SVEP1: variants seen among roughly 807,000 people sequenced by gnomAD.
The protein encoded by SVEP1 is sushi, von Willebrand factor type A, EGF and pentraxin domain containing 1.
SVEP1 carries 164 observed loss-of-function variants against 367.3 expected under a neutral mutation model. The ratio of observed to expected loss-of-function variants is 0.45; its 90% confidence interval spans 0.39 to 0.51. SVEP1 has a LOEUF of 0.51. SVEP1 is among the 20% of genes least tolerant of loss of function. The pLI, the probability that SVEP1 is intolerant of heterozygous loss-of-function variation, is 0.00. For synonymous variants in SVEP1, 1,666 were observed against 1,611.6 expected (o/e 1.03, Z -0.81); for missense variants, 4,117 against 4,425.3 (o/e 0.93, Z 1.98).
chr9:110,458,507 A>G lies in SVEP1; in HGVS notation c.3540T>C (p.Leu1180=). Reference sequence around the variant, plus strand: ...TTTCATGCCTCTTTTTAATATGTCCAAGAGAGGCAGGGGGCACCACACTTT... The same window carrying G: ...TTTCATGCCTCTTTTTAATATGTCCGAGAGAGGCAGGGGGCACCACACTTT... ...AEESVVPPAS[L]GHIKKRHEIS... The change falls in exon 20 of 48, where the codon CTT becomes CTC. Residue 1180 remains leucine (L), a synonymous_variant. Transcript: ENST00000374469. The G allele has an allele frequency of 6.2e-7, 1 of 1,613,136 alleles. No individual in the cohort carries two copies. Among genetic ancestry groups the G allele is most frequent in the Non-Finnish European group, 8.5e-7 (1 of 1,179,620 alleles).
In SVEP1 at chr9:110,489,072, CTT is replaced by C. The variant is rs371684965; in HGVS notation, c.1930+576_1930+577del. Among the ~76,000 whole-genome samples the C allele has an allele frequency of 5.9e-5, 9 of 152,186 alleles. No homozygotes were observed. In the East Asian group the frequency reaches 1.7e-3, roughly 29 times the overall value. On this transcript the variant is annotated intron_variant, in intron 9 of 47. Transcript: ENST00000374469. Reference sequence around the variant, plus strand: ...AGAAAGACATGGCAAGCATTGGGAACTTTCATGTGGGCTCATATGGGAAGAAA... The same window carrying C: ...AGAAAGACATGGCAAGCATTGGGAACTCATGTGGGCTCATATGGGAAGAAA...
At chr9:110,445,379 T>A (rs1447823281) in intron 26 of SVEP1, among the ~76,000 whole-genome samples, 1 of 152,196 alleles carries the variant, frequency 6.6e-6, no homozygotes, top group Non-Finnish European at 1.5e-5. Context: ...TTGTATGCAA[T>A]ACACTTGTCT....
intron 40 of SVEP1, among the ~76,000 whole-genome samples, chr9:110,399,161 A>T (rs1247613360): frequency 6.6e-6 from 1 of 152,226 alleles, no homozygotes; most frequent in African/African-American, 2.4e-5. Flanking sequence ...AATACTATGC[A>T]GCCATGAAAA....
At chr9:110,496,971 A>G in intron 7 of SVEP1, 38 bp from the exon 8 acceptor site, 1 of 1,320,512 alleles carries the variant, frequency 7.6e-7, no homozygotes, top group Non-Finnish European at 1.1e-6. Context: ...TAATACACTG[A>G]TATGTGGTCC....
At position 110,371,559 on chromosome 9, in the gene SVEP1, T is replaced by TCACTC. The variant is rs531521432; in HGVS notation, c.10601-1548_10601-1544dup. Among the ~76,000 whole-genome samples, 848 of 152,292 alleles carry TCACTC rather than the reference T, an allele frequency of 5.6e-3. 5 individuals are homozygous for TCACTC. The highest frequency in any genetic ancestry group is 0.019 in the African/African-American group (773 of 41,548). On this transcript the variant is annotated intron_variant, in intron 46 of 47. Coordinates refer to ENST00000374469, the MANE Select transcript of SVEP1 (RefSeq NM_153366.4). The stretch of plus-strand genomic sequence containing the variant: ...CACTTCCCTTGTATGTTTCTGCTTA[T>TCACTC]CACTCCCCTTGTATGTTTCACAGTC...
rs1272139375 is a variant in SVEP1, at chr9:110,482,391, T to G, written c.2140A>C (p.Arg714=). 1.2e-6 allele frequency: 2 copies of G among 1,612,602 alleles called. No individual in the cohort carries two copies. The highest frequency in any genetic ancestry group is 1.7e-6 in the Non-Finnish European group (2 of 1,179,414). Residue 714 remains arginine, a synonymous_variant, in exon 11 of 48, where the codon AGG becomes CGG. Transcript: ENST00000374469. The part of the protein sequence containing the change: ...YTATDPSGNN[R]TCDIHIVIKG... ...ATGACAATATGGATATCACATGTCCTGTTATTGCCTGAGGGGTCAGTGGCT... is the reference window on the plus strand; with the variant it reads ...ATGACAATATGGATATCACATGTCCGGTTATTGCCTGAGGGGTCAGTGGCT...
chr9:110,523,455 CAG>C (rs1829903380), intron 3 of SVEP1, among the ~76,000 whole-genome samples: 1 of 151,980 alleles, frequency 6.6e-6, no homozygotes, highest in Non-Finnish European at 1.5e-5. Context: ...AAATAAAAAT[CAG>C]AGAGAATAAA....
intron 37 of SVEP1, among the ~76,000 whole-genome samples, chr9:110,409,761 C>G (rs913958141): frequency 6.6e-6 from 1 of 152,058 alleles, no homozygotes; most frequent in African/African-American, 2.4e-5. Context: ...ACTGCTGTAA[C>G]AATAGAAAAT....
chr9:110,566,908 G>A (rs1020202819), intron 1 of SVEP1, among the ~76,000 whole-genome samples: 4 of 152,208 alleles, frequency 2.6e-5, no homozygotes, highest in African/African-American at 4.8e-5. Context: ...GGGAAAACAG[G>A]TAGGAGTCCA....
intron 3 of SVEP1, among the ~76,000 whole-genome samples, chr9:110,530,435 A>T (rs1416518680): frequency 2.0e-5 from 3 of 152,200 alleles, no homozygotes; most frequent in Admixed American, 6.5e-5. Context: ...GGAATAGAAT[A>T]TGATGAAAAG....
chr9:110,447,143 A>T, intron 24 of SVEP1, 86 bp from the exon 25 acceptor site: 1 of 1,240,356 alleles, frequency 8.1e-7, no homozygotes, highest in Non-Finnish European at 1.0e-6. Context: ...AGACTTTGAA[A>T]ATTGAAATGC....
chr9:110,404,513 T>C lies in SVEP1; in HGVS notation c.9480A>G (p.Thr3160=). The C allele has an allele frequency of 6.2e-7, 1 of 1,613,498 alleles. No individual in the cohort carries two copies. The highest frequency in any genetic ancestry group is 1.1e-5 in the South Asian group (1 of 91,062). ...EGYTMDTDTD[T]FTCQKDGRWF... ...AGCGACCATCTTTCTGACAGGTGAA[T>C]GTATCTGTATCTGTATCCATCGTAT... Residue 3160 remains threonine, a synonymous_variant, in exon 39 of 48, where the codon ACA becomes ACG. Coordinates refer to ENST00000374469, the MANE Select transcript of SVEP1 (RefSeq NM_153366.4).
In SVEP1 at chr9:110,366,367, C is replaced by G; in HGVS notation, c.*172G>C. ...AATGGAAACATGTAAGAAAGTATGT[C>G]ACAAGGAATAACAAAATATATCACA... On this transcript the variant is annotated 3_prime_UTR_variant, in exon 48 of 48. Transcript: ENST00000374469. 1 of 505,018 alleles carries G rather than the reference C, an allele frequency of 2.0e-6. No homozygotes were observed. Among genetic ancestry groups the G allele is most frequent in the Non-Finnish European group, 3.2e-6 (1 of 309,858 alleles). 31.3% of individuals were successfully genotyped at this position (505,018 alleles called of 1,614,324 possible).
At position 110,429,241 on chromosome 9, in the gene SVEP1, C is replaced by T. The variant is rs908412390; in HGVS notation, c.5709G>A (p.Val1903=). The change falls in exon 35 of 48, where the codon GTG becomes GTA. Residue 1903 remains valine, a synonymous_variant. Coordinates refer to ENST00000374469, the MANE Select transcript of SVEP1 (RefSeq NM_153366.4). The part of the protein sequence containing the change: ...WSHSPPVCEP[V]KCSSPENINN... ...TTATATTTTCCGGACTAGAACACTT[C>T]ACTGGTTCACACACAGGAGGGGAAT... 1.4e-5 allele frequency: 23 copies of T among 1,595,630 alleles called. No homozygotes were observed. The highest frequency in any genetic ancestry group is 2.0e-5 in the Non-Finnish European group (23 of 1,170,550).
In SVEP1 at chr9:110,579,244, G is replaced by A. The variant is rs1185835660; in HGVS notation, c.300C>T (p.Arg100=). Residue 100 remains arginine, a synonymous_variant, in exon 1 of 48, where the codon CGC becomes CGT. Coordinates refer to ENST00000374469, the MANE Select transcript of SVEP1 (RefSeq NM_153366.4). This position sits in a 1 kb window ranked among gnomAD's most constrained non-coding sequence, Gnocchi z 5.3. ...DSSSVGEVNF[R]SELMFVRKLL... is the part of the protein sequence containing the mutation. ...GCTTGCGGACGAACATGAGCTCGCT[G>A]CGGAAGTTGACTTCGCCCACGCTGG... 1.3e-6 allele frequency: 2 copies of A among 1,570,554 alleles called. No individual in the cohort carries two copies. Among genetic ancestry groups the A allele is most frequent in the Non-Finnish European group, 8.6e-7 (1 of 1,158,992 alleles).
chr9:110,487,475 A>G (rs1242019061), intron 9 of SVEP1, among the ~76,000 whole-genome samples: 2 of 152,238 alleles, frequency 1.3e-5, no homozygotes, highest in African/African-American at 2.4e-5. Context: ...TGAAAAAGGA[A>G]TTTTTAAAAA....
At chr9:110,465,778 T>A (rs1421271780) in intron 18 of SVEP1, 87 bp downstream of exon 18, 1 of 1,445,340 alleles carries the variant, frequency 6.9e-7, no homozygotes, top group African/African-American at 1.4e-5. Context: ...ATAGAGTAGA[T>A]GTATGTTTTT....
chr9:110,426,128 A>T (rs1828249736), intron 36 of SVEP1, among the ~76,000 whole-genome samples: 1 of 152,222 alleles, frequency 6.6e-6, no homozygotes, highest in Non-Finnish European at 1.5e-5. Flanking sequence ...ATCAAAAGCC[A>T]TTCCTGCATT....
At chr9:110,427,011 T>C (rs1431472567) in intron 36 of SVEP1, among the ~76,000 whole-genome samples, 2 of 152,188 alleles carry the variant, frequency 1.3e-5, no homozygotes, top group African/African-American at 4.8e-5. Flanking sequence ...TTTTGCATCT[T>C]AGTAGTACAA....
Sources: gnomAD v4.1 joint callset for allele counts (sites outside exome capture counted in the v4.1 genomes callset) on GRCh38, gnomAD v4.1.1 for gene constraint, Gnocchi (gnomAD v3.1) non-coding constraint, MANE v1.5 for transcripts, NCBI Gene and HGNC (gene_info 2026-07-23, HGNC 2026-07-21) for gene names.